Variants in TRHDE observed in about 807,000 individuals in gnomAD.
TRHDE encodes thyrotropin releasing hormone degrading enzyme.
In TRHDE, 72 loss-of-function variants were observed where a neutral mutation model predicts 125.7. The ratio of observed to expected loss-of-function variants is 0.57; its 90% CI spans 0.47 to 0.70. The LOEUF (loss-of-function observed/expected upper bound fraction) is 0.70. TRHDE is among the 30% of genes least tolerant of loss of function. The pLI is 0.00. For missense variants in TRHDE, 1,110 were observed against 1,327.1 expected (o/e 0.84, Z 2.54); for synonymous variants, 509 against 509.1 (o/e 1.00, Z 0.00).
chr12:72,128,984 A>G (rs1875789876), intron 2 of TRHDE, among the ~76,000 whole-genome samples: 1 of 152,238 alleles, frequency 6.6e-6, no homozygotes, highest in Non-Finnish European at 1.5e-5. Context: ...ACTAAGGCAC[A>G]TCATAATTAA....
intron 2 of TRHDE, among the ~76,000 whole-genome samples, chr12:72,128,942 C>T (rs117665086): frequency 3.3e-5 from 5 of 152,096 alleles, no homozygotes; most frequent in Admixed American, 2.0e-4. Context: ...TTTCAAAGAA[C>T]GCTAGTGAAA....
chr12:72,636,368 T>C (rs1873751136), intron 15 of TRHDE, among the ~76,000 whole-genome samples: 1 of 151,654 alleles, frequency 6.6e-6, no homozygotes. Flanking sequence ...CCTGAGACTT[T>C]GCTGAAGTTG....
chr12:72,174,775 G>A lies in TRHDE; in HGVS notation n.279+69023G>A, dbSNP rs115219376. ...TCATATCAGAGTACATGGGATGTTAGTTTGCCTTATTATTGATGGTATTAA... is the reference window on the plus strand; with the variant it reads ...TCATATCAGAGTACATGGGATGTTAATTTGCCTTATTATTGATGGTATTAA... On this transcript the variant is annotated intron_variant and non_coding_transcript_variant, in intron 2 of 4. Coordinates refer to the TRHDE transcript ENST00000548156. 4.8e-3 allele frequency among the ~76,000 whole-genome samples: 734 copies of A among 152,250 alleles called. 7 individuals carry two copies. Among genetic ancestry groups the A allele is most frequent in the African/African-American group, 0.016 (682 of 41,556 alleles).
intron 2 of TRHDE, among the ~76,000 whole-genome samples, chr12:72,137,952 A>G (rs1876021013): frequency 6.6e-6 from 1 of 152,230 alleles, no homozygotes; most frequent in African/African-American, 2.4e-5. Context: ...GAAAGTGAAA[A>G]TGGCAGTACT....
At chr12:72,107,634 A>G (rs1034210307) in intron 2 of TRHDE, among the ~76,000 whole-genome samples, 1 of 152,074 alleles carries the variant, frequency 6.6e-6, no homozygotes, top group Admixed American at 6.6e-5. Flanking sequence ...CCTGGAGCTA[A>G]ATCCTAAAGG....
At chr12:72,275,730 A>C (rs1479247230) in intron 1 of TRHDE, among the ~76,000 whole-genome samples, 1 of 152,194 alleles carries the variant, frequency 6.6e-6, no homozygotes, top group African/African-American at 2.4e-5. Flanking sequence ...GGACTCTTAA[A>C]AAGACCAGAT....
chr12:72,157,389 G>T (rs529834894), intron 2 of TRHDE, among the ~76,000 whole-genome samples: 1 of 152,266 alleles, frequency 6.6e-6, no homozygotes, highest in African/African-American at 2.4e-5. Context: ...CATCTTAGCT[G>T]CTGTGTGAAG....
chr12:72,615,777 G>T (rs868568571), intron 12 of TRHDE, among the ~76,000 whole-genome samples: 13 of 152,170 alleles, frequency 8.5e-5, no homozygotes, highest in African/African-American at 3.1e-4. Context: ...AAGATACAAT[G>T]GAAATTATTT....
chr12:72,629,448 C>T (rs1873387671), intron 15 of TRHDE, among the ~76,000 whole-genome samples: 1 of 151,692 alleles, frequency 6.6e-6, no homozygotes, highest in Admixed American at 6.6e-5. Context: ...TGCTTTCAGA[C>T]ACTTCTGTGT....
At chr12:72,582,435 T>A (rs1183121786) in intron 12 of TRHDE, 1 of 985,344 alleles carries the variant, frequency 1.0e-6, no homozygotes, top group Non-Finnish European at 1.2e-6. Flanking sequence ...TTGCTCCTTT[T>A]GGGACATTTT....
intron 2 of TRHDE, among the ~76,000 whole-genome samples, chr12:72,245,445 C>T (rs1592498123): frequency 1.3e-5 from 2 of 151,920 alleles, no homozygotes; most frequent in East Asian, 3.9e-4. Context: ...GAGGGAAAAA[C>T]AATAAAAGCA....
intron 2 of TRHDE, among the ~76,000 whole-genome samples, chr12:72,308,174 G>T (rs1216815386): frequency 4.6e-5 from 7 of 151,918 alleles, no homozygotes; most frequent in Non-Finnish European, 1.0e-4. Context: ...TCTAGCTCCT[G>T]CATTTCTCGG....
At chr12:72,634,491 T>G (rs959511004) in intron 15 of TRHDE, among the ~76,000 whole-genome samples, 7 of 152,026 alleles carry the variant, frequency 4.6e-5, no homozygotes. Context: ...AACATCTTTT[T>G]TTTTAATTGT....
At chr12:72,650,889 T>A (rs1874479487) in intron 15 of TRHDE, among the ~76,000 whole-genome samples, 1 of 152,094 alleles carries the variant, frequency 6.6e-6, no homozygotes, top group African/African-American at 2.4e-5. Context: ...GTGGTGGCAA[T>A]GCCTTTAGTG....
In TRHDE at chr12:72,619,038, T is replaced by A; in HGVS notation, c.2469T>A (p.Asn823Lys). ...GCATGGAAAACTACAACATTTTCAA[T>A]GTAAAAAGATATAATTTTTCTTTCT... ...LDRMENYNIFNEYILKQVATT... is the reference protein window; with the variant it reads ...LDRMENYNIFKEYILKQVATT... The change falls in exon 13 of 19, where the codon AAT becomes AAA. Residue 823 changes from asparagine to lysine, a missense_variant and splice_region_variant. Asn to Lys is a moderately conservative substitution (Grantham distance 94, BLOSUM62 0). Around this residue, in one of 5 missense-constraint regions of TRHDE, gnomAD observed 527 missense variants for 651.8 expected, o/e 0.81. Transcript: ENST00000261180. 1.9e-6 allele frequency: 3 copies of A among 1,543,992 alleles called. No homozygotes were observed. The highest frequency in any genetic ancestry group is 2.6e-6 in the Non-Finnish European group (3 of 1,149,622).
At chr12:72,304,124 T>A (rs911061684) in intron 2 of TRHDE, among the ~76,000 whole-genome samples, 1 of 152,138 alleles carries the variant, frequency 6.6e-6, no homozygotes, top group African/African-American at 2.4e-5. Context: ...TACAGGCATT[T>A]TCCACTAGAC....
chr12:72,380,039 C>T (rs778685507), intron 3 of TRHDE, among the ~76,000 whole-genome samples: 6 of 152,124 alleles, frequency 3.9e-5, no homozygotes, highest in Admixed American at 6.6e-5. Context: ...CATTATGAAT[C>T]GTATTTTAAA....
intron 2 of TRHDE, among the ~76,000 whole-genome samples, chr12:72,216,171 A>G (rs1877886506): frequency 6.6e-6 from 1 of 152,174 alleles, no homozygotes; most frequent in Admixed American, 6.6e-5. Context: ...CTTTCCAGAA[A>G]TCTAGTGAAT....
intron 1 of TRHDE, among the ~76,000 whole-genome samples, chr12:72,103,065 C>T (rs1875105006): frequency 6.6e-6 from 1 of 152,196 alleles, no homozygotes. Flanking sequence ...ATCCTACTTC[C>T]TTCTTCCCAA....
Sources: allele counts gnomAD v4.1 joint callset (sites outside exome capture counted in the v4.1 genomes callset), GRCh38; gene constraint gnomAD v4.1.1; regional missense constraint gnomAD v4.1.1; transcripts MANE v1.5; gene names NCBI Gene and HGNC (gene_info 2026-07-23, HGNC 2026-07-21).